Variants in CD96 observed in about 807,000 individuals in gnomAD.
The protein encoded by CD96 is CD96 molecule, also known as T-cell surface protein tactile.
Under a neutral mutation model 71.3 loss-of-function variants are expected in CD96, and 70 were observed. The observed-to-expected ratio is 0.98, with a 90% CI of 0.81 to 1.20. CD96 has a LOEUF of 1.20. CD96 is among the 50% of genes most tolerant of loss of function. CD96 has a pLI of 0.00. For missense variants in CD96, 742 were observed against 677.5 expected, an observed-to-expected ratio of 1.10 and a Z score of -1.06; for synonymous variants, 248 against 233.0, an observed-to-expected ratio of 1.06 and a Z score of -0.59.
chr3:111,599,175 A>G (rs1411659640), intron 6 of CD96, among the ~76,000 whole-genome samples: 1 of 151,860 alleles, frequency 6.6e-6, no homozygotes, highest in Non-Finnish European at 1.5e-5. Flanking sequence ...TCACCGTGTT[A>G]GCCAGGATGG....
At chr3:111,583,215 T>C (rs572971507) in intron 4 of CD96, among the ~76,000 whole-genome samples, 19 of 152,332 alleles carry the variant, frequency 1.2e-4, no homozygotes, top group Non-Finnish European at 1.5e-5. Flanking sequence ...AGTTCCAAAA[T>C]GATCTCCTTT....
chr3:111,596,022 T>C (rs1937240385), intron 5 of CD96, among the ~76,000 whole-genome samples: 1 of 151,528 alleles, frequency 6.6e-6, no homozygotes, highest in South Asian at 2.1e-4. Context: ...ATTAGCCAGG[T>C]GTGGTGGTGC....
At chr3:111,602,661 T>A (rs1338364762) in intron 7 of CD96, among the ~76,000 whole-genome samples, 1 of 152,158 alleles carries the variant, frequency 6.6e-6, no homozygotes, top group Non-Finnish European at 1.5e-5. Context: ...AACACTTACT[T>A]CCACACAGGC....
chr3:111,564,588 C>A (rs991406225), intron 2 of CD96, among the ~76,000 whole-genome samples: 2 of 152,054 alleles, frequency 1.3e-5, no homozygotes, highest in East Asian at 3.8e-4. Context: ...CATTTTATTT[C>A]TTTTAGCTCA....
intron 12 of CD96, among the ~76,000 whole-genome samples, chr3:111,642,949 G>A (rs895768976): frequency 2.6e-5 from 4 of 151,368 alleles, no homozygotes; most frequent in African/African-American, 9.7e-5. Flanking sequence ...GAGAAAGAAG[G>A]AATCCTCCCT....
chr3:111,560,419 C>T (rs1343602882), intron 2 of CD96, among the ~76,000 whole-genome samples: 1 of 148,816 alleles, frequency 6.7e-6, no homozygotes, highest in Non-Finnish European at 1.5e-5. Context: ...GACAAAATCT[C>T]TCAGCATTTG....
chr3:111,542,261 T>C lies in CD96; in HGVS notation c.13T>C (p.Trp5Arg), dbSNP rs772297966. Reference sequence around the variant, plus strand: ...TGTTCAGAAGACAATGGAGAAAAAATGGAAATACTGTGCTGTCTATTACAT... The same window carrying C: ...TGTTCAGAAGACAATGGAGAAAAAACGGAAATACTGTGCTGTCTATTACAT... MEKKWKYCAVYYIIQ... is the reference protein window; with the variant it reads MEKKRKYCAVYYIIQ... Residue 5 changes from tryptophan (W) to arginine (R), a missense_variant, in exon 1 of 14, where the codon TGG (tryptophan) becomes CGG (arginine). By Grantham distance (101) the Trp-to-Arg change is moderately radical. Transcript: ENST00000352690. 6.2e-7 allele frequency: 1 copy of C among 1,613,318 alleles called. No individual in the cohort carries two copies. Among genetic ancestry groups the C allele is most frequent in the Admixed American group, 1.7e-5 (1 of 60,006 alleles).
chr3:111,552,191 A>G (rs1181258332), intron 2 of CD96, among the ~76,000 whole-genome samples: 2 of 151,944 alleles, frequency 1.3e-5, no homozygotes. Flanking sequence ...GACACTGGAT[A>G]TTAGACCCCA....
chr3:111,579,679 C>T (rs1936381790), intron 4 of CD96, among the ~76,000 whole-genome samples: 1 of 152,130 alleles, frequency 6.6e-6, no homozygotes, highest in African/African-American at 2.4e-5. Flanking sequence ...AATGTGCTAA[C>T]TCAGGTCTCT....
chr3:111,555,601 T>TTTTG (rs764680534), intron 2 of CD96, among the ~76,000 whole-genome samples: 339 of 152,304 alleles, frequency 2.2e-3, no homozygotes, highest in Non-Finnish European at 3.5e-3. Context: ...GAGCTTTTGT[T>TTTTG]TTTGTTTGTT....
chr3:111,562,738 C>T (rs1225174440), intron 2 of CD96, among the ~76,000 whole-genome samples: 2 of 152,206 alleles, frequency 1.3e-5, no homozygotes, highest in African/African-American at 4.8e-5. Context: ...TCCAGACTTC[C>T]TGGGCTTTTA....
At chr3:111,592,141 A>C (rs73228191) in intron 5 of CD96, among the ~76,000 whole-genome samples, 11,770 of 152,088 alleles carry the variant, frequency 0.077, 632 homozygotes, top group Non-Finnish European at 0.12. Flanking sequence ...TGGTTGGAGG[A>C]GGGTGGTGTG....
Position 111,607,358 on chromosome 3 carries a change from A to G in CD96, c.1180+566A>G, listed in dbSNP as rs529595876. Among the ~76,000 whole-genome samples the G allele has an allele frequency of 7.0e-4, 106 of 152,316 alleles. 1 individual carries two copies. Among genetic ancestry groups the G allele is most frequent in the African/African-American group, 2.5e-3 (102 of 41,574 alleles). ...ATTAATGTTGACAAAGTTGACTGGT[A>G]AGGACTATGAATTCAGCCCTCCCAT... On this transcript the variant is annotated intron_variant, in intron 8 of 13. Coordinates refer to ENST00000352690, the MANE Select transcript of CD96 (RefSeq NM_005816.5).
At chr3:111,627,549 T>A (rs1197567728) in intron 10 of CD96, among the ~76,000 whole-genome samples, 1 of 152,214 alleles carries the variant, frequency 6.6e-6, no homozygotes, top group Non-Finnish European at 1.5e-5. Context: ...AGACATTTGC[T>A]GTTTGGGCAT....
downstream of CD96, among the ~76,000 whole-genome samples, chr3:111,654,890 T>G (rs1219642057): frequency 6.6e-6 from 1 of 152,218 alleles, no homozygotes; most frequent in African/African-American, 2.4e-5. Flanking sequence ...CTGGAGGGGA[T>G]AGAACAACAG....
intron 3 of CD96, among the ~76,000 whole-genome samples, chr3:111,576,450 G>A (rs1408847791): frequency 1.3e-5 from 2 of 152,054 alleles, no homozygotes; most frequent in African/African-American, 2.4e-5. Flanking sequence ...TCACATGAAA[G>A]GTTCTAGCTT....
intron 7 of CD96, among the ~76,000 whole-genome samples, chr3:111,605,774 ATAATGTAAG>A (rs1937606658): frequency 6.6e-6 from 1 of 152,246 alleles, no homozygotes; most frequent in Non-Finnish European, 1.5e-5. Context: ...ATCAAGTGAC[ATAATGTAAG>A]TAAAATATAC....
At chr3:111,657,613 T>A (rs549985999) in intron 14 of CD96, among the ~76,000 whole-genome samples, 227 of 152,284 alleles carry the variant, frequency 1.5e-3, no homozygotes, top group Non-Finnish European at 2.7e-3. Flanking sequence ...TTGTTCTGTA[T>A]TATAAGATTA....
chr3:111,605,796 G>C (rs1937607568), intron 7 of CD96, among the ~76,000 whole-genome samples: 1 of 152,150 alleles, frequency 6.6e-6, no homozygotes, highest in South Asian at 2.1e-4. Context: ...AAATATACTT[G>C]TCCCTTAAAG....
Sources: allele counts gnomAD v4.1 joint callset (sites outside exome capture counted in the v4.1 genomes callset), GRCh38; gene constraint gnomAD v4.1.1; transcripts MANE v1.5; gene names NCBI Gene and HGNC (gene_info 2026-07-23, HGNC 2026-07-21).